WWOX: variants seen among roughly 807,000 people sequenced by gnomAD.
WWOX encodes the protein WW domain-containing oxidoreductase.
WWOX carries 69 observed loss-of-function variants against 46.2 expected under a neutral mutation model. The ratio of observed to expected loss-of-function variants is 1.49; its 90% CI spans 1.23 to 1.82. The LOEUF is 1.82. WWOX is among the 40% of genes most tolerant of loss of function. The probability of loss-of-function intolerance (pLI) is 0.00; values close to 1 mark genes in which losing one functional copy is unlikely to be tolerated. For synonymous variants in WWOX, 359 were observed against 202.6 expected (o/e 1.77, Z -6.56); for missense variants, 919 against 542.6 (o/e 1.69, Z -6.89).
rs184471677 is a variant in WWOX at position 78,218,787 on chromosome 16, G to A, written c.516+54498G>A. Among the ~76,000 whole-genome samples the A allele has an allele frequency of 3.8e-3, 577 of 152,354 alleles. 4 individuals are homozygous for A. Among genetic ancestry groups the A allele is most frequent in the African/African-American group, 0.013 (526 of 41,584 alleles). ...GCAGTGTGGAAGCACGCTTCGGTGC[G>A]CATGTAAGTTTACGTGCTATCTGTA... On this transcript the variant is annotated intron_variant, in intron 5 of 8. Coordinates refer to ENST00000566780, the MANE Select transcript of WWOX (RefSeq NM_016373.4).
chr16:78,406,305 T>TATAC (rs1555533270), intron 6 of WWOX, among the ~76,000 whole-genome samples: 1 of 8,148 alleles, frequency 1.2e-4, no homozygotes, highest in African/African-American at 1.2e-3. Context: ...TAAATATAAA[T>TATAC]ATATATATAT....
At chr16:78,398,496 C>T (rs1477582163) in intron 6 of WWOX, among the ~76,000 whole-genome samples, 1 of 152,228 alleles carries the variant, frequency 6.6e-6, no homozygotes, top group Admixed American at 6.5e-5. Context: ...ACGTCCTCTA[C>T]AGAGCCTCCC....
At chr16:78,336,202 G>A (rs1233820529) in intron 5 of WWOX, among the ~76,000 whole-genome samples, 1 of 151,988 alleles carries the variant, frequency 6.6e-6, no homozygotes, top group African/African-American at 2.4e-5. Flanking sequence ...GGCCAGGCAT[G>A]GTGGCTCATG....
intron 8 of WWOX, among the ~76,000 whole-genome samples, chr16:78,818,774 G>A (rs2051414158): frequency 6.6e-6 from 1 of 152,202 alleles, no homozygotes; most frequent in Non-Finnish European, 1.5e-5. Flanking sequence ...CGGGGCCTTA[G>A]TTTCGTCTTT....
intron 8 of WWOX, among the ~76,000 whole-genome samples, chr16:78,817,145 C>G (rs530608471): frequency 8.4e-6 from 1 of 118,538 alleles, no homozygotes; most frequent in Non-Finnish European, 1.8e-5. Flanking sequence ...TTCCTGTTGC[C>G]AGTTTTTCTT....
chr16:78,577,385 T>A (rs540230792), intron 8 of WWOX, among the ~76,000 whole-genome samples: 12 of 152,316 alleles, frequency 7.9e-5, no homozygotes, highest in African/African-American at 2.4e-4. Flanking sequence ...TGAGCATTTG[T>A]CCCCTAAATT....
intron 8 of WWOX, among the ~76,000 whole-genome samples, chr16:79,086,060 A>T (rs1041548198): frequency 1.7e-5 from 2 of 118,340 alleles, no homozygotes; most frequent in Non-Finnish European, 3.5e-5. Context: ...CAACAGTGTG[A>T]GACCCCATCT....
intron 8 of WWOX, among the ~76,000 whole-genome samples, chr16:79,013,257 C>T (rs1390000890): frequency 6.6e-6 from 1 of 152,068 alleles, no homozygotes; most frequent in Non-Finnish European, 1.5e-5. Flanking sequence ...AGAGTGAATG[C>T]CTTGCCTTTA....
At chr16:79,185,438 A>G (rs1052711384) in intron 8 of WWOX, among the ~76,000 whole-genome samples, 22 of 152,098 alleles carry the variant, frequency 1.4e-4, no homozygotes, top group Non-Finnish European at 2.8e-4. Context: ...CTGGGAGACA[A>G]TTTTTTTCTT....
At chr16:78,112,140 C>G (rs897170173) in intron 3 of WWOX, 3 of 152,200 alleles carry the variant, frequency 2.0e-5, no homozygotes, top group African/African-American at 4.8e-5. Flanking sequence ...CCCGCTAAGC[C>G]CAGTAGGGCT....
At chr16:79,013,213 G>A (rs2151378287) in intron 8 of WWOX, among the ~76,000 whole-genome samples, 1 of 152,286 alleles carries the variant, frequency 6.6e-6, no homozygotes, top group East Asian at 1.9e-4. Flanking sequence ...TGTGCAGGAA[G>A]AGGCCTTCCT....
intron 8 of WWOX, among the ~76,000 whole-genome samples, chr16:78,944,961 T>G (rs1460326513): frequency 6.6e-6 from 1 of 152,070 alleles, no homozygotes; most frequent in Non-Finnish European, 1.5e-5. Flanking sequence ...GGGAGATCAC[T>G]TGAGATCAGG....
At chr16:78,625,387 A>C (rs112494319) in intron 8 of WWOX, among the ~76,000 whole-genome samples, 45 of 152,262 alleles carry the variant, frequency 3.0e-4, no homozygotes, top group African/African-American at 9.9e-4. Flanking sequence ...ACCCCCACAC[A>C]ATCCACAACC....
chr16:78,729,917 A>C (rs1435165122), intron 8 of WWOX, among the ~76,000 whole-genome samples: 1 of 152,176 alleles, frequency 6.6e-6, no homozygotes, highest in African/African-American at 2.4e-5. Flanking sequence ...CTATGAATGT[A>C]AACAGACACA....
At chr16:78,954,786 A>G (rs2046131282) in intron 8 of WWOX, among the ~76,000 whole-genome samples, 1 of 152,022 alleles carries the variant, frequency 6.6e-6, no homozygotes. Flanking sequence ...CTATTTATTT[A>G]TTTGTTATTA....
intron 8 of WWOX, among the ~76,000 whole-genome samples, chr16:79,135,022 T>A (rs1301560119): frequency 6.6e-6 from 1 of 152,190 alleles, no homozygotes; most frequent in Non-Finnish European, 1.5e-5. Flanking sequence ...ATGCTGTTCA[T>A]TGGATTAATT....
At chr16:79,123,781 A>G (rs528508151) in intron 8 of WWOX, among the ~76,000 whole-genome samples, 2 of 152,290 alleles carry the variant, frequency 1.3e-5, no homozygotes, top group East Asian at 1.9e-4. Context: ...AATTATGTCA[A>G]CCTGATTTCT....
intron 8 of WWOX, chr16:78,898,408 G>T (rs375381986): frequency 6.6e-6 from 1 of 151,906 alleles, no homozygotes; most frequent in Admixed American, 6.6e-5. Context: ...TAATCCTCGC[G>T]CTATTCAATT....
chr16:79,165,892 T>A (rs548765348), intron 8 of WWOX, among the ~76,000 whole-genome samples: 3 of 152,340 alleles, frequency 2.0e-5, no homozygotes, highest in Admixed American at 1.3e-4. Context: ...TCTATTACCT[T>A]CATAACCAAG....
Sources: allele counts gnomAD v4.1 joint callset (sites outside exome capture counted in the v4.1 genomes callset), GRCh38; gene constraint gnomAD v4.1.1; transcripts MANE v1.5; gene names NCBI Gene and HGNC (gene_info 2026-07-23, HGNC 2026-07-21).